Variants in AMPD1 observed in about 807,000 individuals in gnomAD.
The protein encoded by AMPD1 is adenosine monophosphate deaminase 1, also known as AMP deaminase 1.
AMPD1 carries 74 observed loss-of-function variants against 82.9 expected under a neutral mutation model. The ratio of observed to expected loss-of-function variants is 0.89; its 90% CI spans 0.74 to 1.08. AMPD1 has a LOEUF of 1.08. Among genes scored for constraint, AMPD1 ranks in the 50% least tolerant of loss-of-function variants. AMPD1 has a pLI of 0.00. For synonymous variants in AMPD1, 333 were observed against 320.5 expected (o/e 1.04, Z -0.42); for missense variants, 881 against 924.5 (o/e 0.95, Z 0.61).
At chr1:114,683,202 A>G in intron 5 of AMPD1, 1 of 413,762 alleles carries the variant, frequency 2.4e-6, no homozygotes, top group South Asian at 1.8e-5. Flanking sequence ...ACATCTATCC[A>G]GAAGGCAAGA....
intron 5 of AMPD1, among the ~76,000 whole-genome samples, chr1:114,681,437 A>T (rs1015941726): frequency 6.6e-5 from 10 of 151,920 alleles, no homozygotes; most frequent in Non-Finnish European, 1.5e-4. Flanking sequence ...TCCACTAAAA[A>T]TACGAAAATT....
chr1:114,679,595 A>C lies in AMPD1; in HGVS notation c.881T>G (p.Phe294Cys), dbSNP rs763848203. The C allele has an allele frequency of 8.7e-6, 14 of 1,613,940 alleles. No homozygotes were observed. Among genetic ancestry groups the C allele is most frequent in the Non-Finnish European group, 1.1e-5 (13 of 1,179,986 alleles). ...AATGTTTACCTTCCTGCAGTTATAAAAATCTCGGTGGGGGTTGTTTTTCAG... is the reference window on the plus strand; with the variant it reads ...AATGTTTACCTTCCTGCAGTTATAACAATCTCGGTGGGGGTTGTTTTTCAG... ...KELKNNPHRD[F>C]YNCRKVDTHI... Residue 294 changes from phenylalanine (F) to cysteine (C), a missense_variant, in exon 7 of 16, where the codon TTT (phenylalanine) becomes TGT (cysteine). Transcript: ENST00000520113.
intron 8 of AMPD1, 111 bp downstream of exon 8, chr1:114,678,222 G>A: frequency 6.8e-7 from 1 of 1,471,676 alleles, no homozygotes; most frequent in Admixed American, 1.7e-5. Flanking sequence ...CTTTCAGGCA[G>A]CGTGGTAAGC....
At chr1:114,689,610 A>G (rs1404276524) in intron 2 of AMPD1, among the ~76,000 whole-genome samples, 1 of 152,140 alleles carries the variant, frequency 6.6e-6, no homozygotes, top group Non-Finnish European at 1.5e-5. Flanking sequence ...TGATGGCAGG[A>G]GTTCGAGACC....
Position 114,673,646 on chromosome 1 carries a change from G to A in AMPD1, c.2078C>T (p.Ser693Phe), listed in dbSNP as rs1657896833. 6.2e-7 allele frequency: 1 copy of A among 1,613,414 alleles called. No individual in the cohort carries two copies. The highest frequency in any genetic ancestry group is 8.5e-7 in the Non-Finnish European group (1 of 1,179,538). ...ARNSVLQCGI[S>F]HEEKVKFLGD... ...ATTTGAAGACAGGTCTACCTCATGA[G>A]AAATTCCACACTGCAAGACACTGTT... The change falls in exon 15 of 16, where the codon TCT becomes TTT. Residue 693 changes from serine (S) to phenylalanine (F), a missense_variant. Ser to Phe is a radical substitution (Grantham distance 155). Around this residue, in one of 2 missense-constraint regions of AMPD1, gnomAD observed 98 missense variants for 138.1 expected, o/e 0.71. Transcript: ENST00000520113.
chr1:114,677,999 A>G lies in AMPD1; in HGVS notation c.1135T>C (p.Tyr379His). 6.2e-7 allele frequency: 1 copy of G among 1,613,978 alleles called. No homozygotes were observed. The highest frequency in any genetic ancestry group is 8.5e-7 in the Non-Finnish European group (1 of 1,179,988). The part of the protein sequence containing the change: ...FQRFDKFNDK[Y>H]NPVGASELRD... ...AGCTCACTTGCTCCTACAGGATTAT[A>G]TTTGTCATTGAACTTATCAAAACGC... Residue 379 changes from tyrosine to histidine, a missense_variant, in exon 9 of 16, where the codon TAT becomes CAT. Transcript: ENST00000520113.
intron 5 of AMPD1, among the ~76,000 whole-genome samples, chr1:114,681,859 A>G (rs1658169523): frequency 6.6e-6 from 1 of 152,196 alleles, no homozygotes; most frequent in Non-Finnish European, 1.5e-5. Flanking sequence ...CACTCCCCTA[A>G]GAATCCTCTG....
chr1:114,684,243 T>A lies in AMPD1; in HGVS notation c.503A>T (p.Asn168Ile). 9 of 1,614,182 alleles carry A rather than the reference T, an allele frequency of 5.6e-6. No homozygotes were observed. The highest frequency in any genetic ancestry group is 7.6e-6 in the Non-Finnish European group (9 of 1,180,024). Residue 168 changes from asparagine to isoleucine, a missense_variant, in exon 5 of 16, where the codon AAC (asparagine) becomes ATC (isoleucine). Asn to Ile is a moderately radical substitution (Grantham distance 149). This residue lies in a region of AMPD1 where 783 missense variants were observed against 786.4 expected (regional missense o/e 1.00). Coordinates refer to ENST00000520113, the MANE Select transcript of AMPD1 (RefSeq NM_000036.3). ...TGCTACCCAAGCCTCACCATCAATG[T>A]TCCGCAAGTATTTGGAAGGGGTTTT... ...FPKTPSKYLR[N>I]IDGEAWVANE...
chr1:114,676,823 A>G (rs922340510), intron 10 of AMPD1, among the ~76,000 whole-genome samples: 1 of 148,082 alleles, frequency 6.8e-6, no homozygotes, highest in African/African-American at 2.4e-5. Flanking sequence ...AACAAACTGA[A>G]AGAGAAGCCA....
In AMPD1 at chr1:114,695,407, A is replaced by AC. The variant is rs750979880; in HGVS notation, c.22+42_22+43insG. The AC allele has an allele frequency of 3.0e-5, 48 of 1,604,432 alleles. No individual in the cohort carries two copies. In the East Asian group the frequency reaches 1.0e-3, roughly 35 times the overall value. ...AACAGTTGCTTGTCAAAAAAAAAAA[A>AC]AAACAACAACAACTGAGCTCTCCAA... On this transcript the variant is annotated intron_variant, in intron 1 of 15. Transcript: ENST00000520113.
rs1431463591 is a variant in AMPD1, at chr1:114,678,032, T to C, written c.1102A>G (p.Thr368Ala). ...TTGAACTTATCAAAACGCTGGAAGG[T>C]CTGGCGTCCCTGAATCAGGAAAAAA... ...DSLDVHAGRQ[T>A]FQRFDKFNDK... The change falls in exon 9 of 16, where the codon ACC becomes GCC. Residue 368 changes from threonine to alanine, a missense_variant. This residue lies in a region of AMPD1 where 783 missense variants were observed against 786.4 expected (regional missense o/e 1.00). Coordinates refer to ENST00000520113, the MANE Select transcript of AMPD1 (RefSeq NM_000036.3). 2 of 1,613,936 alleles carry C rather than the reference T, an allele frequency of 1.2e-6. No homozygotes were observed. Among genetic ancestry groups the C allele is most frequent in the Admixed American group, 3.3e-5 (2 of 59,986 alleles).
At chr1:114,695,016 C>A (rs550816202) in intron 1 of AMPD1, among the ~76,000 whole-genome samples, 16 of 152,132 alleles carry the variant, frequency 1.1e-4, no homozygotes, top group African/African-American at 3.9e-4. Flanking sequence ...AATTACTCTG[C>A]GTACAAACCT....
intron 2 of AMPD1, among the ~76,000 whole-genome samples, chr1:114,692,044 T>C (rs1337028350): frequency 6.6e-6 from 1 of 152,218 alleles, no homozygotes; most frequent in East Asian, 1.9e-4. Flanking sequence ...AAGGGGAATG[T>C]TAATAATAAT....
At chr1:114,681,593 CAAAA>C (rs59385008) in intron 5 of AMPD1, among the ~76,000 whole-genome samples, 3 of 103,932 alleles carry the variant, frequency 2.9e-5, no homozygotes, top group Non-Finnish European at 3.9e-5. Context: ...GACTCCATCT[CAAAA>C]AAAAAAAAAA....
At chr1:114,689,075 G>C in intron 2 of AMPD1, 4 of 563,584 alleles carry the variant, frequency 7.1e-6, no homozygotes, top group Non-Finnish European at 1.4e-5. Flanking sequence ...TGATTTCATA[G>C]TTTGAACCAT....
chr1:114,673,306 T>G, intron 15 of AMPD1, 34 bp from the exon 16 acceptor site: 12 of 1,611,508 alleles, frequency 7.4e-6, no homozygotes, highest in Non-Finnish European at 1.0e-5. Flanking sequence ...ATGATTGTTG[T>G]CTCTTTTCAC....
At chr1:114,692,904 G>A (rs1382993254) in intron 2 of AMPD1, among the ~76,000 whole-genome samples, 7 of 151,178 alleles carry the variant, frequency 4.6e-5, no homozygotes, top group East Asian at 3.9e-4. Context: ...AGGCTGAAGC[G>A]GGCAGATCAC....
At position 114,677,497 on chromosome 1, in the gene AMPD1, C is replaced by T. The variant is rs773021686; in HGVS notation, c.1242G>A (p.Leu414=). 2 of 1,613,482 alleles carry T rather than the reference C, an allele frequency of 1.2e-6. No homozygotes were observed. Among genetic ancestry groups the T allele is most frequent in the Non-Finnish European group, 8.5e-7 (1 of 1,179,956 alleles). ...CAGCATGCTGGTACTTGGCCTCCAC[C>T]AGGTCCGCACCTACCTCCTGCAAAG... ...ATIIKEVGAD[L]VEAKYQHAEP... The change falls in exon 10 of 16, where the codon CTG becomes CTA. Residue 414 remains leucine (L), a synonymous_variant. Coordinates refer to ENST00000520113, the MANE Select transcript of AMPD1 (RefSeq NM_000036.3).
At chr1:114,682,078 C>T (rs769354560) in intron 5 of AMPD1, among the ~76,000 whole-genome samples, 1 of 152,210 alleles carries the variant, frequency 6.6e-6, no homozygotes, top group Non-Finnish European at 1.5e-5. Flanking sequence ...ACATTTCGCA[C>T]CGTCAGAGCC....
Sources: gnomAD v4.1 joint callset for allele counts (sites outside exome capture counted in the v4.1 genomes callset) on GRCh38, gnomAD v4.1.1 for gene constraint, gnomAD v4.1.1 regional missense constraint, MANE v1.5 for transcripts, NCBI Gene and HGNC (gene_info 2026-07-23, HGNC 2026-07-21) for gene names.